The following PLEKHD1 variants were observed in gnomAD, a reference collection of about 807,000 sequenced individuals.
PLEKHD1 encodes the protein pleckstrin homology and coiled-coil domain containing D1, also known as pleckstrin homology domain-containing family D member 1.
Under a neutral mutation model 69.2 loss-of-function variants are expected in PLEKHD1, and 51 were observed. That is an observed-to-expected ratio of 0.74 (90% CI 0.59 to 0.93). PLEKHD1 has a LOEUF of 0.93. PLEKHD1 is among the 40% of genes least tolerant of loss of function. The pLI, the probability that PLEKHD1 is intolerant of heterozygous loss-of-function variation, is 0.00. For missense variants in PLEKHD1, 584 were observed against 641.0 expected, an observed-to-expected ratio of 0.91 and a Z score of 0.96; for synonymous variants, 236 against 244.7, an observed-to-expected ratio of 0.96 and a Z score of 0.33.
At chr14:69,523,837 T>C (rs1646908040) in intron 7 of PLEKHD1, among the ~76,000 whole-genome samples, 1 of 152,174 alleles carries the variant, frequency 6.6e-6, no homozygotes, top group Non-Finnish European at 1.5e-5. Context: ...AGCAAGGAGC[T>C]TGTTACTAAC....
intron 6 of PLEKHD1, among the ~76,000 whole-genome samples, chr14:69,511,412 C>T (rs941355739): frequency 6.6e-6 from 1 of 152,188 alleles, no homozygotes; most frequent in African/African-American, 2.4e-5. Flanking sequence ...CCTGCCTCCG[C>T]CTCCCAAAGT....
chr14:69,526,189 C>A, intron 9 of PLEKHD1, 67 bp downstream of exon 9: 1 of 1,450,410 alleles, frequency 6.9e-7, no homozygotes, highest in Non-Finnish European at 9.2e-7. Flanking sequence ...TCGAACTGGA[C>A]ATCCAGACTC....
intron 12 of PLEKHD1, 43 bp downstream of exon 12, chr14:69,527,975 G>A (rs1023006278): frequency 9.0e-6 from 14 of 1,549,746 alleles, no homozygotes; most frequent in African/African-American, 1.4e-5. Flanking sequence ...TGGTGACAAG[G>A]CAGGAAGAGG....
intron 6 of PLEKHD1, among the ~76,000 whole-genome samples, chr14:69,513,461 C>T (rs893812090): frequency 6.6e-6 from 1 of 152,052 alleles, no homozygotes; most frequent in Non-Finnish European, 1.5e-5. Context: ...TGGTGTTTGC[C>T]TTATTTGAAC....
rs191571776 is a variant in PLEKHD1 at position 69,518,449 on chromosome 14, C to T, written c.556-3834C>T. ...TGCATAGCTTGGCAGATGCTTGAAA[C>T]ATATTAGACAATAAATATGTGTAGC... On this transcript the variant is annotated intron_variant, in intron 6 of 12. Transcript: ENST00000322564. Among the ~76,000 whole-genome samples the T allele has an allele frequency of 4.7e-3, 722 of 152,212 alleles. 1 individual carries two copies. The highest frequency in any genetic ancestry group is 0.02 in the Middle Eastern group (6 of 294).
At chr14:69,483,053 T>C (rs1594969483), upstream of PLEKHD1, among the ~76,000 whole-genome samples, 2 of 152,260 alleles carry the variant, frequency 1.3e-5, no homozygotes, top group East Asian at 3.9e-4. Context: ...GGCCCCGGGC[T>C]CTCATCATCT....
chr14:69,499,840 G>A (rs1231715357), intron 1 of PLEKHD1, among the ~76,000 whole-genome samples: 1 of 152,214 alleles, frequency 6.6e-6, no homozygotes, highest in African/African-American at 2.4e-5. Context: ...AGCCAGGGTG[G>A]TGGTTCAGCG....
At chr14:69,500,326 G>A (rs1348620966) in intron 2 of PLEKHD1, 118 bp downstream of exon 2, 9 of 921,606 alleles carry the variant, frequency 9.8e-6, no homozygotes, top group Non-Finnish European at 1.5e-5. Context: ...AGTCTGGAGA[G>A]CAAATCCTCT....
intron 6 of PLEKHD1, 33 bp from the exon 7 acceptor site, chr14:69,522,250 T>G: frequency 6.5e-7 from 1 of 1,546,168 alleles, no homozygotes; most frequent in Non-Finnish European, 8.8e-7. Flanking sequence ...CTTTGCTGCC[T>G]GTGACTCTTC....
chr14:69,528,526 A>G lies in PLEKHD1; in HGVS notation c.*107A>G, dbSNP rs1464222972. On this transcript the variant is annotated 3_prime_UTR_variant, in exon 13 of 13. Coordinates refer to ENST00000322564, the MANE Select transcript of PLEKHD1 (RefSeq NM_001161498.2). ...CCAGCTCCTGGCCTCTCTGGTCTGG[A>G]GCCTATGTCTCCTCTGGGCCGGAGC... 22 of 1,375,742 alleles carry G rather than the reference A, an allele frequency of 1.6e-5. No homozygotes were observed. The highest frequency in any genetic ancestry group is 2.1e-5 in the Non-Finnish European group (22 of 1,034,978). 85.2% of individuals were successfully genotyped at this position (1,375,742 alleles called of 1,614,324 possible).
intron 6 of PLEKHD1, among the ~76,000 whole-genome samples, chr14:69,504,584 C>T (rs1038396153): frequency 6.6e-6 from 1 of 152,222 alleles, no homozygotes; most frequent in African/African-American, 2.4e-5. Flanking sequence ...TTTTTCACAA[C>T]TTTACATCTT....
intron 6 of PLEKHD1, among the ~76,000 whole-genome samples, chr14:69,511,298 A>C (rs1021077674): frequency 3.9e-5 from 6 of 152,266 alleles, no homozygotes; most frequent in African/African-American, 1.4e-4. Context: ...AGCTGGGATT[A>C]AAGGTATGTG....
intron 6 of PLEKHD1, among the ~76,000 whole-genome samples, chr14:69,520,106 G>T (rs1342269229): frequency 7.2e-6 from 1 of 139,098 alleles, no homozygotes; most frequent in African/African-American, 2.8e-5. Flanking sequence ...GGCGGAGTTT[G>T]CAGTGAACTG....
intron 7 of PLEKHD1, among the ~76,000 whole-genome samples, 200 bp downstream of exon 7, chr14:69,522,577 C>T (rs1883542388): frequency 6.6e-6 from 1 of 152,054 alleles, no homozygotes; most frequent in Non-Finnish European, 1.5e-5. Flanking sequence ...CTCCCCTGAC[C>T]CAGATAAATG....
chr14:69,527,055 A>G (rs1883668319), intron 10 of PLEKHD1, 133 bp from the exon 11 acceptor site: 1 of 1,250,234 alleles, frequency 8.0e-7, no homozygotes, highest in African/African-American at 1.5e-5. Flanking sequence ...TCAAAGGGTA[A>G]GACTCAGAAG....
intron 8 of PLEKHD1, among the ~76,000 whole-genome samples, chr14:69,524,933 T>C (rs1241309786): frequency 6.6e-6 from 1 of 152,180 alleles, no homozygotes; most frequent in Non-Finnish European, 1.5e-5. Context: ...GCTCAGGTAC[T>C]CCAAGGAAGC....
Position 69,484,985 on chromosome 14 carries a change from A to G in PLEKHD1, c.20A>G (p.Asn7Ser), listed in dbSNP as rs1219987232. The G allele has an allele frequency of 1.3e-6, 2 of 1,550,916 alleles. No homozygotes were observed. The highest frequency in any genetic ancestry group is 2.4e-5 in the East Asian group (1 of 40,882). The change falls in exon 1 of 13, where the codon AAC (asparagine) becomes AGC (serine). Residue 7 changes from asparagine to serine, a missense_variant. Asn to Ser is a conservative substitution (Grantham distance 46, BLOSUM62 1). Coordinates refer to ENST00000322564, the MANE Select transcript of PLEKHD1 (RefSeq NM_001161498.2). ...GGCAGGATGTTCACGTCCAAGTCCA[A>G]CTCGGTGTCGCCCTCGCCGTCCCTG... MFTSKS[N>S]SVSPSPSLEQ...
chr14:69,484,727 C>A (rs1164927060), upstream of PLEKHD1: 3 of 456,894 alleles, frequency 6.6e-6, no homozygotes, highest in Non-Finnish European at 1.2e-5. Context: ...ACCCTCCCCG[C>A]GGAGTTCCCG....
chr14:69,496,224 C>T (rs555714484), intron 1 of PLEKHD1, among the ~76,000 whole-genome samples: 136 of 152,348 alleles, frequency 8.9e-4, no homozygotes, highest in South Asian at 1.9e-3. Flanking sequence ...ATCTTCTGCC[C>T]ACCCACTTCC....
Sources: allele counts gnomAD v4.1 joint callset (sites outside exome capture counted in the v4.1 genomes callset), GRCh38; gene constraint gnomAD v4.1.1; transcripts MANE v1.5; gene names NCBI Gene and HGNC (gene_info 2026-07-23, HGNC 2026-07-21).